The following ICE1 variants were observed in gnomAD, a reference collection of about 807,000 sequenced individuals.
ICE1 encodes the protein little elongation complex subunit 1.
A neutral mutation model predicts 192.7 loss-of-function variants in ICE1; 64 were observed. That is an observed-to-expected ratio of 0.33 (90% CI 0.27 to 0.41). The LOEUF (loss-of-function observed/expected upper bound fraction) is 0.41. ICE1 is among the 10% of genes least tolerant of loss of function. The pLI is 1.00. For missense variants in ICE1, 2,708 were observed against 2,696.0 expected, an observed-to-expected ratio of 1.00 and a Z score of -0.10; for synonymous variants, 1,010 against 984.5, an observed-to-expected ratio of 1.03 and a Z score of -0.49.
intron 1 of ICE1, among the ~76,000 whole-genome samples, chr5:5,431,627 C>G (rs1737713802): frequency 1.3e-5 from 2 of 152,186 alleles, no homozygotes; most frequent in Non-Finnish European, 2.9e-5. Context: ...GTGTTGAAGT[C>G]TGAAGCCATT....
chr5:5,463,151 A>G lies in ICE1; in HGVS notation c.3817A>G (p.Asn1273Asp). The G allele has an allele frequency of 1.2e-6, 2 of 1,612,594 alleles. No homozygotes were observed. The highest frequency in any genetic ancestry group is 1.7e-6 in the Non-Finnish European group (2 of 1,179,348). The change falls in exon 13 of 19, where the codon AAT becomes GAT. Residue 1273 changes from asparagine (N) to aspartate (D), a missense_variant. Asn to Asp is a conservative substitution (Grantham distance 23). Transcript: ENST00000296564. ...LTKIRQELQT[N>D]SEDCNGKDTG... The stretch of plus-strand genomic sequence containing the variant: ...CAAGATTAGGCAAGAACTTCAAACA[A>G]ATTCTGAAGATTGCAATGGTAAAGA...
At chr5:5,432,775 A>G (rs1737759951) in intron 1 of ICE1, among the ~76,000 whole-genome samples, 1 of 152,144 alleles carries the variant, frequency 6.6e-6, no homozygotes, top group South Asian at 2.1e-4. Context: ...TCCTTTCAAA[A>G]ATAACTTGTT....
At chr5:5,423,384 T>C (rs1305534041) in intron 1 of ICE1, among the ~76,000 whole-genome samples, 1 of 152,152 alleles carries the variant, frequency 6.6e-6, no homozygotes, top group East Asian at 1.9e-4. Flanking sequence ...CGCTTTGGTC[T>C]TCTGGCCCAT....
Position 5,447,734 on chromosome 5 carries a change from A to T in ICE1, c.521A>T (p.Glu174Val), listed in dbSNP as rs972815806. The change falls in exon 9 of 19, where the codon GAA (glutamate) becomes GTA (valine). Residue 174 changes from glutamate to valine, a missense_variant. Around this residue, in one of 2 missense-constraint regions of ICE1, gnomAD observed 2,366 missense variants for 2,276.6 expected, o/e 1.04. Coordinates refer to ENST00000296564, the MANE Select transcript of ICE1 (RefSeq NM_015325.3). ...EFKKTQERLDEFSKQKNEKEL... is the reference protein window; with the variant it reads ...EFKKTQERLDVFSKQKNEKEL... ...TTGTTTTCACAGGAAAGGCTTGACGAATTTTCTAAACAGAAAAATGAAAAG... is the reference window on the plus strand; with the variant it reads ...TTGTTTTCACAGGAAAGGCTTGACGTATTTTCTAAACAGAAAAATGAAAAG... 9 of 1,583,968 alleles carry T rather than the reference A, an allele frequency of 5.7e-6. No individual in the cohort carries two copies. In the African/African-American group the frequency reaches 1.1e-4, roughly 19 times the overall value.
At position 5,422,862 on chromosome 5, in the gene ICE1, C is replaced by T. The variant is rs1737348626; in HGVS notation, c.-54C>T. 9 of 1,241,818 alleles carry T rather than the reference C, an allele frequency of 7.2e-6. No homozygotes were observed. The highest frequency in any genetic ancestry group is 5.1e-5 in the South Asian group (2 of 39,276). The allele number at this position is 1,241,818 out of a possible 1,614,324, so 76.9% of individuals were successfully genotyped here. A position where few individuals can be genotyped will look rare whatever the true frequency, so the allele number is the denominator to read the frequency against. On this transcript the variant is annotated 5_prime_UTR_variant, in exon 1 of 19. Transcript: ENST00000296564. ...CGGCATCAGCAGAGACAGGACGGGG[C>T]CGACGCCGCGGGCCCCTGAGGCGTG...
chr5:5,456,003 TATTTTGTAGAATA>T (rs1231577131), intron 11 of ICE1, among the ~76,000 whole-genome samples: 1 of 152,206 alleles, frequency 6.6e-6, no homozygotes, highest in Non-Finnish European at 1.5e-5. Flanking sequence ...GGGAGAATAT[TATTTTGTAGAATA>T]ATTTTGTAGA....
In ICE1 at chr5:5,461,118, A is replaced by C; in HGVS notation, c.1784A>C (p.Glu595Ala). The change falls in exon 13 of 19, where the codon GAA becomes GCA. Residue 595 changes from glutamate to alanine, a missense_variant. This residue lies in a region of ICE1 where 2,366 missense variants were observed against 2,276.6 expected (regional missense o/e 1.04). Coordinates refer to ENST00000296564, the MANE Select transcript of ICE1 (RefSeq NM_015325.3). ...AGACTATCTAGAGAATTGGAAAAGGAAAAAGAAGATACTCAAGGGTTCACT... is the reference window on the plus strand; with the variant it reads ...AGACTATCTAGAGAATTGGAAAAGGCAAAAGAAGATACTCAAGGGTTCACT... ...FHRLSRELEK[E>A]KEDTQGFTLG... The C allele has an allele frequency of 6.2e-7, 1 of 1,614,048 alleles. No homozygotes were observed. The highest frequency in any genetic ancestry group is 1.3e-5 in the African/African-American group (1 of 75,054).
At chr5:5,448,937 T>TA (rs1374909259) in intron 10 of ICE1, among the ~76,000 whole-genome samples, 1 of 152,228 alleles carries the variant, frequency 6.6e-6, no homozygotes, top group African/African-American at 2.4e-5. Context: ...AAGTAATAGT[T>TA]ACTGCTGAGA....
Position 5,468,861 on chromosome 5 carries a change from T to C in ICE1, c.6095T>C (p.Ile2032Thr). 1 of 1,589,588 alleles carries C rather than the reference T, an allele frequency of 6.3e-7. No homozygotes were observed. The highest frequency in any genetic ancestry group is 8.5e-7 in the Non-Finnish European group (1 of 1,171,088). The stretch of plus-strand genomic sequence containing the variant: ...GAGTCTGAAAAATTAACTTTGTTTA[T>C]TGCAAACATGTGGCATGATATATTT... The part of the protein sequence containing the change: ...FPESEKLTLF[I>T]ANMWHDIFLS... Residue 2032 changes from isoleucine (I) to threonine (T), a missense_variant, in exon 15 of 19, where the codon ATT becomes ACT. Coordinates refer to ENST00000296564, the MANE Select transcript of ICE1 (RefSeq NM_015325.3).
chr5:5,486,580 T>C lies in ICE1; in HGVS notation c.6521-141T>C, dbSNP rs1207804197. 7.1e-5 allele frequency: 42 copies of C among 593,784 alleles called. No individual in the cohort carries two copies. In the East Asian group the frequency reaches 1.2e-3, roughly 17 times the overall value. 36.8% of individuals were successfully genotyped at this position (593,784 alleles called of 1,614,324 possible). A position where few individuals can be genotyped will look rare whatever the true frequency, so the allele number is the denominator to read the frequency against. ...GTAACTTGGAAAGCAACACATTGTATATCATCTGGTATAGGTGATTGCAAG... is the reference window on the plus strand; with the variant it reads ...GTAACTTGGAAAGCAACACATTGTACATCATCTGGTATAGGTGATTGCAAG... On this transcript the variant is annotated intron_variant, in intron 17 of 18. Coordinates refer to ENST00000296564, the MANE Select transcript of ICE1 (RefSeq NM_015325.3).
At chr5:5,427,010 T>C (rs1263575930) in intron 1 of ICE1, among the ~76,000 whole-genome samples, 2 of 152,342 alleles carry the variant, frequency 1.3e-5, no homozygotes, top group East Asian at 3.9e-4. Context: ...AACTGTAATG[T>C]TAGGCTAACT....
chr5:5,476,036 G>C lies in ICE1; in HGVS notation c.6477G>C (p.Ala2159=), dbSNP rs61738815. The C allele has an allele frequency of 6.2e-7, 1 of 1,609,990 alleles. No individual in the cohort carries two copies. The highest frequency in any genetic ancestry group is 1.7e-5 in the Admixed American group (1 of 59,766). ...ACAGAAAAGGACATGCAAACATTGC[G>C]TATACTCCTGATATTATTATAGCCT... ...IKYRKGHANI[A]YTPDIIIASI... is the part of the protein sequence containing the mutation. The change falls in exon 17 of 19, where the codon GCG becomes GCC. Residue 2159 remains alanine, a synonymous_variant. Coordinates refer to ENST00000296564, the MANE Select transcript of ICE1 (RefSeq NM_015325.3).
At chr5:5,459,562 A>G (rs1424460593) in intron 12 of ICE1, among the ~76,000 whole-genome samples, 2 of 152,202 alleles carry the variant, frequency 1.3e-5, no homozygotes, top group Non-Finnish European at 2.9e-5. Flanking sequence ...AACCGTCCCT[A>G]TGTAAGTGAC....
chr5:5,463,319 G>A lies in ICE1; in HGVS notation c.3985G>A (p.Gly1329Ser), dbSNP rs1561090587. 1.2e-6 allele frequency: 2 copies of A among 1,613,448 alleles called. No individual in the cohort carries two copies. The highest frequency in any genetic ancestry group is 1.3e-5 in the African/African-American group (1 of 74,874). ...ACAAGCAGCTGCCTTGGACACTGAG[G>A]GCAGCTCTCCCATCAGCGGTATGCC... is the stretch of plus-strand genomic sequence containing the variant. ...TPQAAALDTE[G>S]SSPISGMPQN... The change falls in exon 13 of 19, where the codon GGC (glycine) becomes AGC (serine). Residue 1329 changes from glycine (G) to serine (S), a missense_variant. Coordinates refer to ENST00000296564, the MANE Select transcript of ICE1 (RefSeq NM_015325.3).
chr5:5,422,989 C>A lies in ICE1; in HGVS notation c.74C>A (p.Ser25Tyr). 6.9e-7 allele frequency: 1 copy of A among 1,446,392 alleles called. No homozygotes were observed. The highest frequency in any genetic ancestry group is 3.0e-5 in the East Asian group (1 of 33,018). 89.6% of individuals were successfully genotyped at this position (1,446,392 alleles called of 1,614,324 possible). A position where few individuals can be genotyped will look rare whatever the true frequency, so the allele number is the denominator to read the frequency against. The stretch of plus-strand genomic sequence containing the variant: ...CTGTCGCGATGTCAGGGCTGCGCCT[C>A]TCTGCAGCAGGTGCAGCACCTCCCG... ...ADLSRCQGCASLQQNLNEYVE... is the reference protein window; with the variant it reads ...ADLSRCQGCAYLQQNLNEYVE... The change falls in exon 1 of 19, where the codon TCT becomes TAT. Residue 25 changes from serine to tyrosine, a missense_variant. Coordinates refer to ENST00000296564, the MANE Select transcript of ICE1 (RefSeq NM_015325.3).
intron 10 of ICE1, among the ~76,000 whole-genome samples, chr5:5,451,402 G>A (rs912309834): frequency 6.6e-6 from 1 of 152,106 alleles, no homozygotes. Flanking sequence ...AGGAAACAAA[G>A]CAATTGATTT....
rs915519675 is a variant in ICE1, at chr5:5,437,403, C to A, written c.178+289C>A. On this transcript the variant is annotated intron_variant, in intron 3 of 18. Transcript: ENST00000296564. ...CTCTTAATTTGTACTGAGGATGTGG[C>A]ATGTTTTTTAGGTTTACGAATAATG... is the stretch of plus-strand genomic sequence containing the variant. 3.6e-5 allele frequency: 10 copies of A among 275,462 alleles called. No individual in the cohort carries two copies. In the Admixed American group the frequency reaches 5.0e-4, roughly 14 times the overall value. The allele number at this position is 275,462 out of a possible 1,614,324, so 17.1% of individuals were successfully genotyped here.
intron 12 of ICE1, among the ~76,000 whole-genome samples, chr5:5,458,907 C>T (rs1738671954): frequency 6.6e-6 from 1 of 152,084 alleles, no homozygotes; most frequent in Admixed American, 6.5e-5. Flanking sequence ...GAGTCTCACT[C>T]TGTTGCCCAG....
At chr5:5,483,079 C>T (rs1255838307) in intron 17 of ICE1, among the ~76,000 whole-genome samples, 1 of 152,134 alleles carries the variant, frequency 6.6e-6, no homozygotes, top group Non-Finnish European at 1.5e-5. Flanking sequence ...CAACCTCCAC[C>T]TCCCAGGTTC....
Sources: allele counts gnomAD v4.1 joint callset (sites outside exome capture counted in the v4.1 genomes callset), GRCh38; gene constraint gnomAD v4.1.1; regional missense constraint gnomAD v4.1.1; transcripts MANE v1.5; gene names NCBI Gene and HGNC (gene_info 2026-07-23, HGNC 2026-07-21).